Variants in ACTL8 observed in about 807,000 individuals in gnomAD.
ACTL8 encodes actin-like protein 8.
A neutral mutation model predicts 9.3 loss-of-function variants in ACTL8; 3 were observed. The observed-to-expected ratio is 0.32, with a 90% CI of 0.15 to 0.83. The LOEUF (loss-of-function observed/expected upper bound fraction) is 0.83. Ranked by LOEUF, ACTL8 falls within the 40% of genes least tolerant of loss-of-function variation. ACTL8 has a pLI of 0.57. For missense variants in ACTL8, 381 were observed against 492.2 expected (o/e 0.77, Z 2.14); for synonymous variants, 224 against 205.9 (o/e 1.09, Z -0.75).
chr1:17,810,898 G>A (rs2066389668), intron 1 of ACTL8, among the ~76,000 whole-genome samples: 1 of 152,194 alleles, frequency 6.6e-6, no homozygotes. Flanking sequence ...TCATTTACCA[G>A]CTGAAGAACA....
At chr1:17,785,437 A>T (rs565246190) in intron 1 of ACTL8, among the ~76,000 whole-genome samples, 2 of 152,204 alleles carry the variant, frequency 1.3e-5, no homozygotes, top group Non-Finnish European at 2.9e-5. Flanking sequence ...GAACATTTGG[A>T]CTATCCCCTT....
At chr1:17,768,072 A>G (rs1181382771) in intron 1 of ACTL8, among the ~76,000 whole-genome samples, 2 of 152,142 alleles carry the variant, frequency 1.3e-5, no homozygotes, top group African/African-American at 4.8e-5. Context: ...TGCAGCAGAA[A>G]AGGAATCATC....
chr1:17,790,930 G>T (rs1439189092), intron 1 of ACTL8, among the ~76,000 whole-genome samples: 1 of 152,216 alleles, frequency 6.6e-6, no homozygotes, highest in African/African-American at 2.4e-5. Flanking sequence ...CTGTGACAGG[G>T]CCTGGGCTTG....
chr1:17,808,163 C>A (rs979642273), intron 1 of ACTL8, among the ~76,000 whole-genome samples: 5 of 152,136 alleles, frequency 3.3e-5, no homozygotes, highest in Non-Finnish European at 5.9e-5. Flanking sequence ...CAAAGCAATT[C>A]ATAAGGGTCC....
intron 1 of ACTL8, among the ~76,000 whole-genome samples, chr1:17,771,744 G>T (rs2066084201): frequency 6.6e-6 from 1 of 152,044 alleles, no homozygotes; most frequent in Non-Finnish European, 1.5e-5. Context: ...GTCACTGGGG[G>T]TGTCAAGCAG....
chr1:17,772,977 G>A (rs957463242), intron 1 of ACTL8, among the ~76,000 whole-genome samples: 10 of 151,996 alleles, frequency 6.6e-5, no homozygotes, highest in Admixed American at 2.0e-4. Context: ...GTTGACCCTC[G>A]CTCACAGCAG....
chr1:17,796,017 T>A (rs2066274330), intron 1 of ACTL8, among the ~76,000 whole-genome samples: 1 of 152,068 alleles, frequency 6.6e-6, no homozygotes, highest in Non-Finnish European at 1.5e-5. Context: ...AAAGCTGAGC[T>A]AGGGAGGGAG....
At chr1:17,780,186 C>T (rs903447305) in intron 1 of ACTL8, among the ~76,000 whole-genome samples, 1 of 151,996 alleles carries the variant, frequency 6.6e-6, no homozygotes, top group African/African-American at 2.4e-5. Flanking sequence ...CCAGCCTGGG[C>T]GACAGAGTTG....
intron 1 of ACTL8, among the ~76,000 whole-genome samples, chr1:17,813,931 T>G (rs2066408731): frequency 6.6e-6 from 1 of 152,206 alleles, no homozygotes; most frequent in Non-Finnish European, 1.5e-5. Context: ...TTGTTATCCT[T>G]TTTGTGTCTG....
chr1:17,824,099 G>A (rs2053688391), intron 2 of ACTL8, among the ~76,000 whole-genome samples: 3 of 151,940 alleles, frequency 2.0e-5, no homozygotes, highest in South Asian at 2.1e-4. Context: ...CTTCTCTGAC[G>A]GAGGTGATTT....
rs113657161 is a variant in ACTL8 at position 17,805,209 on chromosome 1, G to A, written c.-24-17776G>A. 6.5e-3 allele frequency among the ~76,000 whole-genome samples: 995 copies of A among 152,104 alleles called. 9 individuals carry two copies. The highest frequency in any genetic ancestry group is 0.023 in the African/African-American group (946 of 41,470). ...CTGGAATTCTCTTCCCCAGATGTCTGTGTGCTTCCTGCCCTCACTACTTTG... is the reference window on the plus strand; with the variant it reads ...CTGGAATTCTCTTCCCCAGATGTCTATGTGCTTCCTGCCCTCACTACTTTG... On this transcript the variant is annotated intron_variant, in intron 1 of 2. Transcript: ENST00000375406.
chr1:17,819,396 T>A (rs1204213764), intron 1 of ACTL8, among the ~76,000 whole-genome samples: 2 of 152,222 alleles, frequency 1.3e-5, no homozygotes, highest in African/African-American at 2.4e-5. Context: ...CAGGTCTATG[T>A]CAGAGCCGAT....
At chr1:17,813,947 T>G (rs1274363766) in intron 1 of ACTL8, among the ~76,000 whole-genome samples, 2 of 152,212 alleles carry the variant, frequency 1.3e-5, no homozygotes, top group Non-Finnish European at 2.9e-5. Flanking sequence ...GTCTGTAGAG[T>G]CTGAAGTGAT....
intron 1 of ACTL8, among the ~76,000 whole-genome samples, chr1:17,759,390 C>T (rs910294224): frequency 3.3e-5 from 5 of 152,246 alleles, no homozygotes; most frequent in African/African-American, 9.6e-5. Flanking sequence ...TCAGCAGAGG[C>T]CAGCAGCACC....
chr1:17,786,836 A>G (rs1316919037), intron 1 of ACTL8, among the ~76,000 whole-genome samples: 1 of 152,048 alleles, frequency 6.6e-6, no homozygotes, highest in Non-Finnish European at 1.5e-5. Context: ...CTGGGACTAC[A>G]GGTGTGCACC....
chr1:17,779,189 C>T (rs1462172004), intron 1 of ACTL8, among the ~76,000 whole-genome samples: 2 of 152,068 alleles, frequency 1.3e-5, no homozygotes, highest in South Asian at 2.1e-4. Flanking sequence ...ACCCATGGAC[C>T]CTCTCCCTCC....
chr1:17,826,234 C>T lies in ACTL8; in HGVS notation c.816C>T (p.Ile272=). Residue 272 remains isoleucine, a synonymous_variant, in exon 3 of 3, where the codon ATC becomes ATT. Transcript: ENST00000375406. This position sits in a 1 kb window ranked among gnomAD's most constrained non-coding sequence, Gnocchi z 4.5. ...TGTTCGAGCAGCCGGGGCCCAGCAT[C>T]CCACGGGCCATTGTGGAATCCGTGG... ...PQVFEQPGPS[I]PRAIVESVES... is the part of the protein sequence containing the mutation. 6.2e-7 allele frequency: 1 copy of T among 1,613,462 alleles called. No individual in the cohort carries two copies. Among genetic ancestry groups the T allele is most frequent in the Non-Finnish European group, 8.5e-7 (1 of 1,179,834 alleles).
At chr1:17,796,942 G>GA (rs1250366348) in intron 1 of ACTL8, among the ~76,000 whole-genome samples, 1 of 152,234 alleles carries the variant, frequency 6.6e-6, no homozygotes, top group African/African-American at 2.4e-5. Flanking sequence ...GAAGGCAGCA[G>GA]AAGTCTGCTC....
intron 1 of ACTL8, among the ~76,000 whole-genome samples, chr1:17,796,934 A>G (rs1414260636): frequency 6.6e-6 from 1 of 152,210 alleles, no homozygotes; most frequent in Non-Finnish European, 1.5e-5. Context: ...GGGCCTCGGA[A>G]GGCAGCAGAA....
Sources: gnomAD v4.1 joint callset for allele counts (sites outside exome capture counted in the v4.1 genomes callset) on GRCh38, gnomAD v4.1.1 for gene constraint, Gnocchi (gnomAD v3.1) non-coding constraint, MANE v1.5 for transcripts, NCBI Gene and HGNC (gene_info 2026-07-23, HGNC 2026-07-21) for gene names.